The following SLC2A13 variants were observed in gnomAD, a reference collection of about 807,000 sequenced individuals.
SLC2A13 encodes the protein proton myo-inositol cotransporter.
A neutral mutation model predicts 64.4 loss-of-function variants in SLC2A13; 32 were observed. The ratio of observed to expected loss-of-function variants is 0.50; its 90% CI spans 0.37 to 0.67. The LOEUF (loss-of-function observed/expected upper bound fraction) is 0.67, where lower values mean the gene tolerates loss of function less well. Among genes scored for constraint, SLC2A13 ranks in the 30% least tolerant of loss-of-function variants. SLC2A13 has a pLI of 0.00. For synonymous variants in SLC2A13, 338 were observed against 327.1 expected (o/e 1.03, Z -0.36); for missense variants, 743 against 829.2 (o/e 0.90, Z 1.28).
chr12:39,949,041 C>A (rs1299639622), intron 4 of SLC2A13, among the ~76,000 whole-genome samples: 1 of 152,038 alleles, frequency 6.6e-6, no homozygotes, highest in African/African-American at 2.4e-5. Flanking sequence ...CAGGAGAAAA[C>A]ACATTACATG....
intron 1 of SLC2A13, among the ~76,000 whole-genome samples, chr12:40,060,026 G>A (rs1466049407): frequency 6.6e-6 from 1 of 152,038 alleles, no homozygotes; most frequent in African/African-American, 2.4e-5. Context: ...TGTAACAAAG[G>A]TCTATGGGAG....
At chr12:40,048,688 A>G (rs1354322390) in intron 1 of SLC2A13, among the ~76,000 whole-genome samples, 1 of 152,226 alleles carries the variant, frequency 6.6e-6, no homozygotes, top group African/African-American at 2.4e-5. Flanking sequence ...TTTACTAATA[A>G]GAAATTCATA....
At chr12:39,925,954 A>C (rs1945720998) in intron 4 of SLC2A13, among the ~76,000 whole-genome samples, 1 of 152,176 alleles carries the variant, frequency 6.6e-6, no homozygotes. Flanking sequence ...GCCTTAACCC[A>C]ATTGTTAGGA....
intron 3 of SLC2A13, among the ~76,000 whole-genome samples, chr12:39,974,539 T>C (rs1308419620): frequency 1.3e-5 from 2 of 152,236 alleles, no homozygotes; most frequent in East Asian, 3.8e-4. Context: ...GGTACATGAC[T>C]GAGTTTTTGT....
At chr12:39,876,155 G>C (rs530139225) in intron 4 of SLC2A13, among the ~76,000 whole-genome samples, 12 of 152,234 alleles carry the variant, frequency 7.9e-5, no homozygotes, top group African/African-American at 2.9e-4. Context: ...TGAAAGGTTT[G>C]CAACTCTCTG....
intron 4 of SLC2A13, among the ~76,000 whole-genome samples, chr12:39,939,293 C>A: frequency 6.6e-6 from 1 of 152,150 alleles, no homozygotes; most frequent in East Asian, 1.9e-4. Context: ...GCAATATATA[C>A]ACAGGGAAAT....
chr12:39,959,828 C>CT (rs1236059867), intron 3 of SLC2A13, among the ~76,000 whole-genome samples: 2 of 151,842 alleles, frequency 1.3e-5, no homozygotes, highest in Admixed American at 1.3e-4. Context: ...TTTTATTTTA[C>CT]TTTAAGTTCC....
At chr12:40,029,361 A>C (rs28370792) in intron 2 of SLC2A13, among the ~76,000 whole-genome samples, 1 of 152,192 alleles carries the variant, frequency 6.6e-6, no homozygotes. Context: ...CTGTCTTTCA[A>C]ATGGAAACTT....
chr12:39,782,319 G>C lies in SLC2A13; in HGVS notation c.1446-17461C>G, dbSNP rs573672506. Among the ~76,000 whole-genome samples the C allele has an allele frequency of 6.6e-5, 10 of 152,170 alleles. No individual in the cohort carries two copies. The East Asian group carries it at 1.9e-3, about 29-fold the overall frequency. ...TCCTACGTGTTGTGGAAGGTACCCA[G>C]GGGGAGCTAATTGAATCATGGGGGC... On this transcript the variant is annotated intron_variant, in intron 7 of 9. Transcript: ENST00000280871.
At chr12:39,769,673 T>G (rs1474532468) in intron 7 of SLC2A13, among the ~76,000 whole-genome samples, 2 of 151,984 alleles carry the variant, frequency 1.3e-5, no homozygotes, top group African/African-American at 4.8e-5. Flanking sequence ...CAATATCTCT[T>G]CTTTTCCTGC....
intron 3 of SLC2A13, among the ~76,000 whole-genome samples, chr12:39,989,284 T>C (rs1947090077): frequency 6.6e-6 from 1 of 152,232 alleles, no homozygotes; most frequent in South Asian, 2.1e-4. Flanking sequence ...TCTCTGACTT[T>C]CCTGGACCAA....
At chr12:40,035,827 T>C (rs1048618889) in intron 2 of SLC2A13, among the ~76,000 whole-genome samples, 2 of 152,188 alleles carry the variant, frequency 1.3e-5, no homozygotes, top group African/African-American at 2.4e-5. Flanking sequence ...TAAAATGTCA[T>C]GATTATAGTG....
intron 3 of SLC2A13, among the ~76,000 whole-genome samples, chr12:39,982,872 C>T (rs2136151901): frequency 7.9e-6 from 1 of 127,380 alleles, no homozygotes; most frequent in South Asian, 2.7e-4. Flanking sequence ...ATTGCCAAGT[C>T]AATCCTAAGC....
intron 4 of SLC2A13, 92 bp from the exon 5 acceptor site, chr12:39,872,053 A>T (rs1473776274): frequency 7.1e-6 from 8 of 1,121,776 alleles, no homozygotes; most frequent in Non-Finnish European, 9.6e-6. Context: ...ATTTGAAAAA[A>T]ATATAAGGAG....
chr12:40,048,360 A>C (rs1948201777), intron 1 of SLC2A13, 150 bp from the exon 2 acceptor site: 3 of 725,804 alleles, frequency 4.1e-6, no homozygotes, highest in Admixed American at 3.6e-5. Flanking sequence ...GATTTTGTTC[A>C]TAACTAATTT....
At chr12:39,784,175 AT>A (rs1192380183) in intron 7 of SLC2A13, among the ~76,000 whole-genome samples, 1 of 152,194 alleles carries the variant, frequency 6.6e-6, no homozygotes, top group Non-Finnish European at 1.5e-5. Context: ...ATTCAATGCC[AT>A]CCCCATCAAG....
chr12:39,981,199 C>T (rs940000820), intron 3 of SLC2A13, among the ~76,000 whole-genome samples: 169 of 149,406 alleles, frequency 1.1e-3, no homozygotes, highest in African/African-American at 3.9e-3. Context: ...ATTTATAGCA[C>T]TAAATGCCCA....
chr12:40,064,092 A>T (rs1948470003), intron 1 of SLC2A13, among the ~76,000 whole-genome samples: 1 of 152,036 alleles, frequency 6.6e-6, no homozygotes, highest in Non-Finnish European at 1.5e-5. Flanking sequence ...AACATTTTTT[A>T]AAATTAGCCA....
intron 6 of SLC2A13, among the ~76,000 whole-genome samples, chr12:39,857,092 TA>T (rs2135908253): frequency 6.6e-6 from 1 of 152,328 alleles, no homozygotes; most frequent in Non-Finnish European, 1.5e-5. Flanking sequence ...AGTTCTAGAA[TA>T]AGAATATAAG....
Sources: allele counts gnomAD v4.1 joint callset (sites outside exome capture counted in the v4.1 genomes callset), GRCh38; gene constraint gnomAD v4.1.1; transcripts MANE v1.5; gene names NCBI Gene and HGNC (gene_info 2026-07-23, HGNC 2026-07-21).